The following AKT3 variants were observed in gnomAD, a reference collection of about 807,000 sequenced individuals.
AKT3 encodes RAC-gamma serine/threonine-protein kinase.
A neutral mutation model predicts 65.3 loss-of-function variants in AKT3; 15 were observed. The observed-to-expected ratio is 0.23, with a 90% CI of 0.15 to 0.35. The LOEUF (loss-of-function observed/expected upper bound fraction) is 0.35. Among genes scored for constraint, AKT3 ranks in the 10% least tolerant of loss-of-function variants. AKT3 has a pLI of 1.00. For missense variants in AKT3, 243 were observed against 576.5 expected (o/e 0.42, Z 5.92); for synonymous variants, 206 against 183.8 (o/e 1.12, Z -0.98).
At chr1:243,650,181 T>C (rs898249521) in intron 4 of AKT3, among the ~76,000 whole-genome samples, 3 of 152,276 alleles carry the variant, frequency 2.0e-5, no homozygotes, top group Non-Finnish European at 4.4e-5. Context: ...GAGCATTTTT[T>C]CATACATTTG....
rs16356 is a variant in AKT3, at chr1:243,501,623, AATT to A, written c.*3623_*3625del. 2.1e-5 allele frequency: 5 copies of A among 232,716 alleles called. No individual in the cohort carries two copies. Among genetic ancestry groups the A allele is most frequent in the Non-Finnish European group, 4.2e-5 (5 of 117,918 alleles). The allele number at this position is 232,716 out of a possible 1,614,324, so 14.4% of individuals were successfully genotyped here. A position where few individuals can be genotyped will look rare whatever the true frequency, so the allele number is the denominator to read the frequency against. On this transcript the variant is annotated 3_prime_UTR_variant, in exon 14 of 14. Coordinates refer to ENST00000673466, the MANE Select transcript of AKT3 (RefSeq NM_005465.7). ...ATGTGTGTGTGTGTGAGCTACAAGGAATTATTTCTATATTTTCCTGTCACATTT... is the reference window on the plus strand; with the variant it reads ...ATGTGTGTGTGTGTGAGCTACAAGGAATTTCTATATTTTCCTGTCACATTT...
intron 2 of AKT3, among the ~76,000 whole-genome samples, chr1:243,835,915 T>C (rs1294892886): frequency 2.0e-5 from 3 of 151,568 alleles, no homozygotes; most frequent in East Asian, 1.9e-4. Flanking sequence ...ATAAGACACA[T>C]AAATAACAAG....
intron 5 of AKT3, among the ~76,000 whole-genome samples, chr1:243,641,830 G>C (rs528770081): frequency 1.3e-5 from 2 of 152,202 alleles, no homozygotes; most frequent in African/African-American, 4.8e-5. Context: ...CAGCTACCTG[G>C]GAGGCTGAGT....
At chr1:243,561,854 G>A in intron 10 of AKT3, among the ~76,000 whole-genome samples, 1 of 152,086 alleles carries the variant, frequency 6.6e-6, no homozygotes, top group East Asian at 1.9e-4. Flanking sequence ...TTCAAAGATG[G>A]CTGTGGCAGT....
chr1:243,752,286 T>C (rs1201438015), intron 2 of AKT3, among the ~76,000 whole-genome samples: 1 of 152,186 alleles, frequency 6.6e-6, no homozygotes, highest in Non-Finnish European at 1.5e-5. Context: ...CAATTTTAAA[T>C]AGTCCTGAAA....
At chr1:243,844,369 C>G (rs1695418871) in intron 1 of AKT3, among the ~76,000 whole-genome samples, 1 of 152,160 alleles carries the variant, frequency 6.6e-6, no homozygotes, top group South Asian at 2.1e-4. Flanking sequence ...AAAAAGAAGT[C>G]AGAGTAAAGG....
intron 2 of AKT3, among the ~76,000 whole-genome samples, chr1:243,841,838 A>T (rs1026581036): frequency 1.6e-4 from 22 of 141,376 alleles, no homozygotes; most frequent in Middle Eastern, 3.3e-3. Context: ...ACTCAACCAT[A>T]AAAAAAAAGC....
chr1:243,550,309 T>C (rs1672958742), intron 11 of AKT3, among the ~76,000 whole-genome samples: 2 of 152,336 alleles, frequency 1.3e-5, no homozygotes, highest in Non-Finnish European at 2.9e-5. Context: ...TTGAAAATAC[T>C]GCATCTTCTC....
intron 8 of AKT3, among the ~76,000 whole-genome samples, chr1:243,588,391 T>C (rs924894944): frequency 1.3e-5 from 2 of 152,196 alleles, no homozygotes; most frequent in Non-Finnish European, 2.9e-5. Context: ...TCAGTAGATA[T>C]CTCAAGAGTC....
chr1:243,639,299 C>T (rs1416724637), intron 5 of AKT3, among the ~76,000 whole-genome samples: 1 of 152,116 alleles, frequency 6.6e-6, no homozygotes, highest in African/African-American at 2.4e-5. Flanking sequence ...ATTCTACAGA[C>T]ATTTAAACAA....
chr1:243,768,426 G>A (rs1274103427), intron 2 of AKT3, among the ~76,000 whole-genome samples: 1 of 152,128 alleles, frequency 6.6e-6, no homozygotes, highest in Non-Finnish European at 1.5e-5. Flanking sequence ...ACTTATTTCA[G>A]GAGTTTGCTG....
At chr1:243,498,441 G>A (rs959021257), downstream of AKT3, among the ~76,000 whole-genome samples, 3 of 152,156 alleles carry the variant, frequency 2.0e-5, no homozygotes, top group African/African-American at 4.8e-5. Flanking sequence ...TGCATGGGAT[G>A]GCAGGTTTAC....
At chr1:243,747,241 C>G (rs1688528326) in intron 2 of AKT3, among the ~76,000 whole-genome samples, 1 of 152,114 alleles carries the variant, frequency 6.6e-6, no homozygotes, top group Non-Finnish European at 1.5e-5. Flanking sequence ...ATATTATTTT[C>G]ACCGTAAAAC....
chr1:243,845,599 A>G (rs554641591), intron 1 of AKT3, among the ~76,000 whole-genome samples: 1 of 146,528 alleles, frequency 6.8e-6, no homozygotes, highest in African/African-American at 2.5e-5. Flanking sequence ...AAAAAAAAAA[A>G]AAAAGAAAAG....
chr1:243,690,218 T>C (rs150153279), intron 3 of AKT3, among the ~76,000 whole-genome samples: 2 of 151,766 alleles, frequency 1.3e-5, no homozygotes, highest in South Asian at 2.1e-4. Flanking sequence ...GCCCAAGACA[T>C]AGGGGCAAAT....
chr1:243,594,451 T>C (rs182365548), intron 8 of AKT3, among the ~76,000 whole-genome samples: 7 of 152,350 alleles, frequency 4.6e-5, no homozygotes, highest in Admixed American at 4.6e-4. Context: ...GAACAAAGTT[T>C]TTCTCTATTT....
At chr1:243,818,066 C>G (rs1018230234) in intron 2 of AKT3, 5 of 152,188 alleles carry the variant, frequency 3.3e-5, no homozygotes, top group African/African-American at 1.2e-4. Flanking sequence ...AAGGAAACTA[C>G]GAAGTAGGAT....
Position 243,500,012 on chromosome 1 carries a change from G to A in AKT3, c.*5237C>T. 1 of 584,872 alleles carries A rather than the reference G, an allele frequency of 1.7e-6. No individual in the cohort carries two copies. Among genetic ancestry groups the A allele is most frequent in the East Asian group, 2.8e-5 (1 of 36,020 alleles). The allele number at this position is 584,872 out of a possible 1,614,324, so 36.2% of individuals were successfully genotyped here. On this transcript the variant is annotated 3_prime_UTR_variant, in exon 14 of 14. Coordinates refer to ENST00000673466, the MANE Select transcript of AKT3 (RefSeq NM_005465.7). ...CTCCTGGTGTATGTTTTCAGAAATG[G>A]CTTGAAGTTATGTGTTTAAATCTGC...
At chr1:243,850,379 T>G (rs904866145), upstream of AKT3, among the ~76,000 whole-genome samples, 3 of 150,210 alleles carry the variant, frequency 2.0e-5, no homozygotes, top group African/African-American at 2.4e-5. Flanking sequence ...AGACTCTACA[T>G]GGGAATCGGA....
Sources: allele counts gnomAD v4.1 joint callset (sites outside exome capture counted in the v4.1 genomes callset), GRCh38; gene constraint gnomAD v4.1.1; transcripts MANE v1.5; gene names NCBI Gene and HGNC (gene_info 2026-07-23, HGNC 2026-07-21).